The following CUX2 variants were observed in gnomAD, a reference collection of about 807,000 sequenced individuals.
CUX2 encodes homeobox protein cut-like 2.
A neutral mutation model predicts 144.8 loss-of-function variants in CUX2; 40 were observed. The ratio of observed to expected loss-of-function variants is 0.28; its 90% CI spans 0.21 to 0.36. CUX2 has a LOEUF of 0.36. Ranked by LOEUF, CUX2 falls within the 10% of genes least tolerant of loss-of-function variation. CUX2 has a pLI of 1.00. For missense variants in CUX2, 1,615 were observed against 1,994.0 expected (o/e 0.81, Z 3.62); for synonymous variants, 827 against 875.6 (o/e 0.94, Z 0.98).
At chr12:111,226,533 A>C (rs966222655) in intron 3 of CUX2, among the ~76,000 whole-genome samples, 3 of 152,172 alleles carry the variant, frequency 2.0e-5, no homozygotes, top group African/African-American at 7.2e-5. Context: ...CCCCCAGTTA[A>C]GTAGTTATTT....
Position 111,037,782 on chromosome 12 carries a change from C to CTT in CUX2, c.63+3552_63+3553dup, listed in dbSNP as rs941223545. On this transcript the variant is annotated intron_variant, in intron 1 of 21. Coordinates refer to ENST00000261726, the MANE Select transcript of CUX2 (RefSeq NM_015267.4). This position sits in a 1 kb window ranked among gnomAD's most constrained non-coding sequence, Gnocchi z 5.4. ...TTTTCTTTTTCTGCTTAACTTTCTACTTTTTTTTTTTACCATGCTCTGGGT... is the reference window on the plus strand; with the variant it reads ...TTTTCTTTTTCTGCTTAACTTTCTACTTTTTTTTTTTTTACCATGCTCTGGGT... Among the ~76,000 whole-genome samples, 20 of 147,856 alleles carry CTT rather than the reference C, an allele frequency of 1.4e-4. No individual in the cohort carries two copies. Among genetic ancestry groups the CTT allele is most frequent in the African/African-American group, 4.9e-4 (20 of 40,540 alleles).
At chr12:111,071,826 A>T (rs1214059081) in intron 1 of CUX2, among the ~76,000 whole-genome samples, 1 of 152,192 alleles carries the variant, frequency 6.6e-6, no homozygotes, top group South Asian at 2.1e-4. Flanking sequence ...TATTTTTGGC[A>T]TGTGGCTGTC....
At chr12:111,271,397 A>G (rs146028136) in intron 4 of CUX2, among the ~76,000 whole-genome samples, 2 of 152,276 alleles carry the variant, frequency 1.3e-5, no homozygotes, top group African/African-American at 4.8e-5. Flanking sequence ...ACCGTTTTGA[A>G]TTGTTTCCTT....
intron 21 of CUX2, 65 bp from the exon 22 acceptor site, chr12:111,347,459 C>T: frequency 6.9e-7 from 1 of 1,459,458 alleles, no homozygotes; most frequent in Non-Finnish European, 9.2e-7. Context: ...GCCATGTATG[C>T]AGATGGAGTC....
At chr12:111,133,663 G>A (rs1875653345) in intron 1 of CUX2, among the ~76,000 whole-genome samples, 1 of 152,136 alleles carries the variant, frequency 6.6e-6, no homozygotes, top group African/African-American at 2.4e-5. Context: ...CCCTTTAGGG[G>A]CCTGCTGGGA....
intron 1 of CUX2, among the ~76,000 whole-genome samples, chr12:111,162,742 A>G (rs1415231881): frequency 6.6e-6 from 1 of 152,222 alleles, no homozygotes; most frequent in Non-Finnish European, 1.5e-5. Context: ...AGAGAGACGA[A>G]GAGCATAGAA....
chr12:111,296,861 ATCCCAGACACGCCTCCACCCTCTGGCCC>A (rs1886028074), intron 8 of CUX2, among the ~76,000 whole-genome samples: 1 of 58,960 alleles, frequency 1.7e-5, no homozygotes, highest in African/African-American at 6.9e-5. Flanking sequence ...CCCTCTGGCC[ATCCCAGACACGCCTCCACCCTCTGGCCC>A]TCCCAGAGAG....
chr12:111,306,957 C>T lies in CUX2; in HGVS notation c.895C>T (p.Leu299=). 6.2e-7 allele frequency: 1 copy of T among 1,612,846 alleles called. No homozygotes were observed. The highest frequency in any genetic ancestry group is 8.5e-7 in the Non-Finnish European group (1 of 1,179,342). The stretch of plus-strand genomic sequence containing the variant: ...CTTCACTCTGTGCTCGGGCCCTCGG[C>T]TGGAGGCCGCGCTGGCCTCCAAGGA... ...VNFTLCSGPR[L]EAALASKDRE... is the part of the protein sequence containing the mutation. Residue 299 remains leucine (L), a synonymous_variant, in exon 11 of 22, where the codon CTG becomes TTG. Transcript: ENST00000261726.
intron 8 of CUX2, 66 bp downstream of exon 8, chr12:111,296,605 G>A: frequency 6.8e-7 from 1 of 1,464,320 alleles, no homozygotes; most frequent in Non-Finnish European, 9.4e-7. Flanking sequence ...TCCTCCTTCT[G>A]ACCCTCCAGT....
intron 1 of CUX2, among the ~76,000 whole-genome samples, chr12:111,111,456 G>A: frequency 6.6e-6 from 1 of 152,010 alleles, no homozygotes. Context: ...AACAAGGTTG[G>A]GTCTCCCCGA....
intron 9 of CUX2, among the ~76,000 whole-genome samples, chr12:111,301,150 A>G (rs947174078): frequency 3.9e-5 from 6 of 152,218 alleles, no homozygotes; most frequent in South Asian, 2.1e-4. Context: ...CGTATAGAGA[A>G]GAAAATAAAT....
chr12:111,080,482 G>A (rs186249307), intron 1 of CUX2, among the ~76,000 whole-genome samples: 1 of 151,830 alleles, frequency 6.6e-6, no homozygotes, highest in Non-Finnish European at 1.5e-5. Context: ...GACCAGCCTG[G>A]GCAATGCAGC....
intron 1 of CUX2, among the ~76,000 whole-genome samples, chr12:111,052,067 C>A (rs1046440351): frequency 6.6e-6 from 1 of 152,054 alleles, no homozygotes; most frequent in South Asian, 2.1e-4. Flanking sequence ...TCCCTATGCT[C>A]GCCATGTTCC....
chr12:111,292,659 G>T (rs554803723), intron 5 of CUX2, among the ~76,000 whole-genome samples: 1 of 152,272 alleles, frequency 6.6e-6, no homozygotes, highest in East Asian at 1.9e-4. Flanking sequence ...CGTAATGTAC[G>T]ATTCTGTTGG....
At chr12:111,152,362 A>G (rs905898206) in intron 1 of CUX2, among the ~76,000 whole-genome samples, 10 of 152,276 alleles carry the variant, frequency 6.6e-5, no homozygotes, top group South Asian at 2.1e-4. Flanking sequence ...AGTGCAGGCA[A>G]TAGACCTGGG....
At position 111,310,687 on chromosome 12, in the gene CUX2, G is replaced by T; in HGVS notation, c.1900+5G>T. 6.3e-7 allele frequency: 1 copy of T among 1,577,684 alleles called. No individual in the cohort carries two copies. ...CCATCCAAGTGCGGCAGCGAGGTGA[G>T]TGCCCAAGAGGGCCCGTCCCCGCTG... is the stretch of plus-strand genomic sequence containing the variant. On this transcript the variant is annotated splice_donor_5th_base_variant and intron_variant, in intron 15 of 21. Coordinates refer to ENST00000261726, the MANE Select transcript of CUX2 (RefSeq NM_015267.4). The surrounding 1 kb of genome is among the most constrained non-coding windows in gnomAD (Gnocchi z 7.9).
At chr12:111,162,397 G>A (rs956871265) in intron 1 of CUX2, among the ~76,000 whole-genome samples, 7 of 152,218 alleles carry the variant, frequency 4.6e-5, no homozygotes, top group Admixed American at 6.5e-5. Context: ...GGCTTATCAC[G>A]GGAGCCTGTG....
At chr12:111,060,619 C>A (rs1870724647) in intron 1 of CUX2, among the ~76,000 whole-genome samples, 1 of 152,236 alleles carries the variant, frequency 6.6e-6, no homozygotes, top group Non-Finnish European at 1.5e-5. Flanking sequence ...TTTTGGGAAG[C>A]AGGGATCTCA....
At chr12:111,327,483 A>G (rs943138583) in intron 18 of CUX2, among the ~76,000 whole-genome samples, 23 of 152,164 alleles carry the variant, frequency 1.5e-4, no homozygotes, top group African/African-American at 5.3e-4. Context: ...CCTTACCAAC[A>G]TGGGTTATCT....
Sources: allele counts gnomAD v4.1 joint callset (sites outside exome capture counted in the v4.1 genomes callset), GRCh38; gene constraint gnomAD v4.1.1; non-coding constraint Gnocchi (gnomAD v3.1); transcripts MANE v1.5; gene names NCBI Gene and HGNC (gene_info 2026-07-23, HGNC 2026-07-21).